The following TRIM66 variants were observed in gnomAD, a reference collection of about 807,000 sequenced individuals.
The protein encoded by TRIM66 is tripartite motif containing 66, also known as tripartite motif-containing protein 66.
Under a neutral mutation model 148.2 loss-of-function variants are expected in TRIM66, and 99 were observed. The ratio of observed to expected loss-of-function variants is 0.67; its 90% CI spans 0.57 to 0.79. The LOEUF is 0.79. Among genes scored for constraint, TRIM66 ranks in the 30% least tolerant of loss-of-function variants. TRIM66 has a pLI of 0.00. For missense variants in TRIM66, 1,666 were observed against 1,697.9 expected (o/e 0.98, Z 0.33); for synonymous variants, 616 against 635.9 (o/e 0.97, Z 0.47).
intron 15 of TRIM66, among the ~76,000 whole-genome samples, chr11:8,633,437 C>A (rs2035599050): frequency 6.6e-6 from 1 of 152,108 alleles, no homozygotes; most frequent in Non-Finnish European, 1.5e-5. Flanking sequence ...GAGACCTAGA[C>A]AAAAATCTTA....
intron 11 of TRIM66, 114 bp from the exon 12 acceptor site, chr11:8,646,001 C>T: frequency 3.0e-6 from 3 of 1,015,756 alleles, no homozygotes; most frequent in Non-Finnish European, 4.3e-6. Flanking sequence ...AGACTACACC[C>T]CTGAGAGGAC....
At chr11:8,657,091 T>C (rs1199314043) in intron 6 of TRIM66, among the ~76,000 whole-genome samples, 1 of 152,184 alleles carries the variant, frequency 6.6e-6, no homozygotes, top group Non-Finnish European at 1.5e-5. Flanking sequence ...CACACATGTC[T>C]GTTTCAGACA....
chr11:8,639,190 T>C (rs764492212), intron 14 of TRIM66, among the ~76,000 whole-genome samples: 4 of 152,210 alleles, frequency 2.6e-5, no homozygotes, highest in South Asian at 2.1e-4. Flanking sequence ...GGGGAAGACA[T>C]TGAAGCATGA....
In TRIM66 at chr11:8,624,390, A is replaced by G. The variant is rs1477574025; in HGVS notation, c.2988T>C (p.Ser996=). Residue 996 remains serine, a synonymous_variant, in exon 17 of 25, where the codon TCT becomes TCC. Transcript: ENST00000646038. ...GGTTCTGGTACTGCTGCAGAGCTGTAGACGTGCTGACCACTGGCGCCAGTG... is the reference window on the plus strand; with the variant it reads ...GGTTCTGGTACTGCTGCAGAGCTGTGGACGTGCTGACCACTGGCGCCAGTG... ...KPPLAPVVST[S]TALQQYQNPK... 1 of 1,551,470 alleles carries G rather than the reference A, an allele frequency of 6.4e-7. No homozygotes were observed. The highest frequency in any genetic ancestry group is 8.7e-7 in the Non-Finnish European group (1 of 1,146,932).
chr11:8,671,344 A>C (rs898298394), intron 6 of TRIM66, among the ~76,000 whole-genome samples: 3 of 152,162 alleles, frequency 2.0e-5, no homozygotes, highest in African/African-American at 2.4e-5. Context: ...ATTCTGGAGG[A>C]AGACACAGGC....
intron 15 of TRIM66, among the ~76,000 whole-genome samples, chr11:8,630,621 C>T (rs2035300131): frequency 6.6e-6 from 1 of 152,172 alleles, no homozygotes; most frequent in Admixed American, 6.5e-5. Context: ...CCTGAGCCTA[C>T]AGAGCCCCCT....
At position 8,671,854 on chromosome 11, in the gene TRIM66, TTACG is replaced by T. The variant is rs2038952232; in HGVS notation, c.268_271del (p.Lys91ThrfsTer6). ...CTGTATCAAGCCCTGGAAGCAGTCC[TTACG>T]GAGCAAATGCTGGCAGGATAGGAGA... On this transcript the variant is annotated frameshift_variant, in exon 6 of 25. Transcript: ENST00000646038. LOFTEE classifies it high-confidence loss of function. 5.9e-6 allele frequency: 9 copies of T among 1,535,562 alleles called. No individual in the cohort carries two copies. In the East Asian group the frequency reaches 2.2e-4, roughly 38 times the overall value.
chr11:8,673,371 C>T (rs1048036393), intron 4 of TRIM66, among the ~76,000 whole-genome samples: 6 of 152,054 alleles, frequency 3.9e-5, no homozygotes, highest in African/African-American at 1.5e-4. Context: ...ACATATCTAC[C>T]ACAATATGAT....
chr11:8,677,373 CAATT>C (rs2039224183), intron 3 of TRIM66, among the ~76,000 whole-genome samples: 1 of 152,178 alleles, frequency 6.6e-6, no homozygotes, highest in Admixed American at 6.5e-5. Flanking sequence ...AGTACACACT[CAATT>C]AATATTTATA....
chr11:8,676,452 T>C (rs560496505), intron 3 of TRIM66, among the ~76,000 whole-genome samples: 3 of 152,284 alleles, frequency 2.0e-5, no homozygotes, highest in South Asian at 2.1e-4. Context: ...CCCCACCCCA[T>C]AAGGTCTACA....
rs1325809273 is a variant in TRIM66 at position 8,616,744 on chromosome 11, C to T, written c.*1200G>A. ...GATTTTTCCCCCTGTCCACCTTAGACAAACTTCCCCCAGGAATGTCTAGAT... is the reference window on the plus strand; with the variant it reads ...GATTTTTCCCCCTGTCCACCTTAGATAAACTTCCCCCAGGAATGTCTAGAT... On this transcript the variant is annotated 3_prime_UTR_variant, in exon 25 of 25. Coordinates refer to ENST00000646038, the MANE Select transcript of TRIM66 (RefSeq NM_001388022.1). The T allele has an allele frequency of 6.6e-6, 1 of 152,280 alleles. No homozygotes were observed. The highest frequency in any genetic ancestry group is 1.9e-4 in the East Asian group (1 of 5,202). 9.4% of individuals were successfully genotyped at this position (152,280 alleles called of 1,614,324 possible).
chr11:8,673,207 C>T (rs1204507126), intron 4 of TRIM66, among the ~76,000 whole-genome samples: 1 of 152,124 alleles, frequency 6.6e-6, no homozygotes, highest in Non-Finnish European at 1.5e-5. Flanking sequence ...GGATTACAGG[C>T]ATGAGCCACC....
At chr11:8,670,963 T>C (rs181210379) in intron 6 of TRIM66, among the ~76,000 whole-genome samples, 21 of 152,340 alleles carry the variant, frequency 1.4e-4, no homozygotes, top group Admixed American at 3.3e-4. Context: ...TGAAAATATG[T>C]GTGTGGACCT....
intron 6 of TRIM66, among the ~76,000 whole-genome samples, chr11:8,655,361 T>C (rs555915396): frequency 6.6e-6 from 1 of 152,370 alleles, no homozygotes; most frequent in East Asian, 1.9e-4. Context: ...TATCTAACTA[T>C]GTAACCTTGG....
intron 15 of TRIM66, among the ~76,000 whole-genome samples, chr11:8,632,120 C>A (rs2035460203): frequency 1.3e-5 from 2 of 152,018 alleles, no homozygotes; most frequent in Non-Finnish European, 2.9e-5. Context: ...CCAGCCTGAC[C>A]AACATGGCAA....
At position 8,640,722 on chromosome 11, in the gene TRIM66, C is replaced by A; in HGVS notation, c.1653G>T (p.Leu551=). The A allele has an allele frequency of 6.4e-7, 1 of 1,551,526 alleles. No homozygotes were observed. The highest frequency in any genetic ancestry group is 8.7e-7 in the Non-Finnish European group (1 of 1,146,972). Residue 551 remains leucine, a synonymous_variant, in exon 14 of 25, where the codon CTG becomes CTT. Coordinates refer to ENST00000646038, the MANE Select transcript of TRIM66 (RefSeq NM_001388022.1). ...GGACAATGCACACGGGCTGGGAAGT[C>A]AGCTGCTGCCCCAGCCGCTGGGATG... is the stretch of plus-strand genomic sequence containing the variant. ...ESTSQRLGQQ[L]TSQPVCIVPP... is the part of the protein sequence containing the mutation.
chr11:8,628,632 A>AGAG lies in TRIM66; in HGVS notation c.2311-3405_2311-3404insCTC, dbSNP rs1385589443. ...TGTCTCAAAAAAAAAAAAAAAAAAA[A>AGAG]AAAAAGAGAGAGAATCCAGATCTTT... On this transcript the variant is annotated intron_variant, in intron 15 of 24. Coordinates refer to ENST00000646038, the MANE Select transcript of TRIM66 (RefSeq NM_001388022.1). Among the ~76,000 whole-genome samples, 605 of 85,838 alleles carry AGAG rather than the reference A, an allele frequency of 7.0e-3. 14 individuals carry two copies. Among genetic ancestry groups the AGAG allele is most frequent in the East Asian group, 8.5e-3 (31 of 3,648 alleles). 56.3% of individuals were successfully genotyped at this position (85,838 alleles called of 152,430 possible). A position where few individuals can be genotyped will look rare whatever the true frequency, so the allele number is the denominator to read the frequency against.
rs1467654471 is a variant in TRIM66, at chr11:8,614,191, T to G, written c.*3753A>C. ...CCATCTCTACCTAAAGTAGAAAAAT[T>G]AGCCAGGCATGGTGGCATGCACCTG... On this transcript the variant is annotated 3_prime_UTR_variant, in exon 25 of 25. Coordinates refer to ENST00000646038, the MANE Select transcript of TRIM66 (RefSeq NM_001388022.1). 3 of 151,918 alleles carry G rather than the reference T, an allele frequency of 2.0e-5. No individual in the cohort carries two copies. The highest frequency in any genetic ancestry group is 7.3e-5 in the African/African-American group (3 of 41,292). 9.4% of individuals were successfully genotyped at this position (151,918 alleles called of 1,614,324 possible).
In TRIM66 at chr11:8,676,428, C is replaced by T. The variant is rs538076469; in HGVS notation, c.-189-1545G>A. ...TGTTTGACCTGTGAACTCCCTGAAA[C>T]GGTCTCAGGGACCCCCCACCCCATA... On this transcript the variant is annotated intron_variant, in intron 3 of 24. Coordinates refer to ENST00000646038, the MANE Select transcript of TRIM66 (RefSeq NM_001388022.1). Among the ~76,000 whole-genome samples the T allele has an allele frequency of 1.3e-5, 2 of 152,252 alleles. 1 individual carries two copies. Among genetic ancestry groups the T allele is most frequent in the South Asian group, 4.2e-4 (2 of 4,816 alleles).
Sources: allele counts gnomAD v4.1 joint callset (sites outside exome capture counted in the v4.1 genomes callset), GRCh38; gene constraint gnomAD v4.1.1; transcripts MANE v1.5; gene names NCBI Gene and HGNC (gene_info 2026-07-23, HGNC 2026-07-21).